MRPL4: variants seen among roughly 807,000 people sequenced by gnomAD.
MRPL4 encodes large ribosomal subunit protein uL4m.
In MRPL4, 34 loss-of-function variants were observed where a neutral mutation model predicts 34.1. The ratio of observed to expected loss-of-function variants is 1.00; its 90% CI spans 0.76 to 1.33. The LOEUF (loss-of-function observed/expected upper bound fraction) is 1.33, where lower values mean the gene tolerates loss of function less well. MRPL4 is among the 40% of genes most tolerant of loss of function. The pLI is 0.00. For missense variants in MRPL4, 402 were observed against 434.6 expected, an observed-to-expected ratio of 0.92 and a Z score of 0.67; for synonymous variants, 196 against 188.3, an observed-to-expected ratio of 1.04 and a Z score of -0.33.
rs1194499677 is a variant in MRPL4, at chr19:10,258,997, G to A, written c.739+312G>A. 19 of 1,409,116 alleles carry A rather than the reference G, an allele frequency of 1.3e-5. No individual in the cohort carries two copies. The Admixed American group carries it at 4.4e-4, about 33-fold the overall frequency. The allele number at this position is 1,409,116 out of a possible 1,614,324, so 87.3% of individuals were successfully genotyped here. A position where few individuals can be genotyped will look rare whatever the true frequency, so the allele number is the denominator to read the frequency against. ...CACCTGTAGTCCCAGCTACTCGGGG[G>A]CTGAGCCAGGCGGATAGCTTGAGCT... On this transcript the variant is annotated intron_variant, in intron 8 of 8. Transcript: ENST00000253099.
chr19:10,256,866 G>GGGGGGGGGGCC, intron 5 of MRPL4, 41 bp downstream of exon 5: 1 of 378,382 alleles, frequency 2.6e-6, no homozygotes, highest in Non-Finnish European at 5.0e-6. Context: ...GGGTGGGGGG[G>GGGGGGGGGGCC]CCAGGGAAGG....
At chr19:10,252,193 A>G (rs530941673), upstream of MRPL4, 150 of 1,498,512 alleles carry the variant, frequency 1.0e-4, no homozygotes, top group Middle Eastern at 1.4e-3. Context: ...GACGTCATCC[A>G]GCGGCGCCTC....
chr19:10,252,177 G>C, upstream of MRPL4: 8 of 1,463,346 alleles, frequency 5.5e-6, no homozygotes, highest in Non-Finnish European at 7.3e-6. Flanking sequence ...GCGGCGTCGC[G>C]TGCGTGACGT....
At position 10,252,409 on chromosome 19, in the gene MRPL4, C is replaced by T. The variant is rs2039800652; in HGVS notation, c.70C>T (p.Leu24=). ...RPTGSQGLSS[L]AEEAARATEN... The stretch of plus-strand genomic sequence containing the variant: ...CCAACCCTTGCAGGGCCTGAGTTCC[C>T]TGGCGGAAGAGGCAGCGCGTGCGAC... The change falls in exon 2 of 9, where the codon CTG becomes TTG. Residue 24 remains leucine (L), a synonymous_variant. Coordinates refer to ENST00000253099, the MANE Select transcript of MRPL4 (RefSeq NM_015956.3). The T allele has an allele frequency of 1.9e-6, 3 of 1,614,112 alleles. No homozygotes were observed. In the East Asian group the frequency reaches 6.7e-5, roughly 36 times the overall value.
chr19:10,252,896 CA>C, intron 3 of MRPL4, 195 bp downstream of exon 3: 1 of 816,748 alleles, frequency 1.2e-6, no homozygotes, highest in Non-Finnish European at 1.9e-6. Flanking sequence ...TGAGAGGTGA[CA>C]TCATCTAAGG....
At chr19:10,253,054 G>A (rs2039810847) in intron 3 of MRPL4, 2 of 246,968 alleles carry the variant, frequency 8.1e-6, no homozygotes, top group African/African-American at 4.5e-5. Flanking sequence ...AAGTTCTATA[G>A]AAATGTTGAT....
rs1366112043 is a variant in MRPL4, at chr19:10,258,272, C to A, written c.496C>A (p.Pro166Thr). 6.2e-7 allele frequency: 1 copy of A among 1,614,122 alleles called. No homozygotes were observed. The highest frequency in any genetic ancestry group is 1.1e-5 in the South Asian group (1 of 91,074). ...RGPTSYYYML[P>T]MKVRALGLKV... ...CCCCACAAGTTACTACTACATGCTG[C>A]CCATGAAGGTGCGGGCGCTGGGTCT... The change falls in exon 6 of 9, where the codon CCC (proline) becomes ACC (threonine). Residue 166 changes from proline (P) to threonine (T), a missense_variant. Pro to Thr is a conservative substitution (Grantham distance 38). Coordinates refer to ENST00000253099, the MANE Select transcript of MRPL4 (RefSeq NM_015956.3).
At chr19:10,256,000 A>T (rs1319171215) in intron 4 of MRPL4, among the ~76,000 whole-genome samples, 2 of 152,058 alleles carry the variant, frequency 1.3e-5, no homozygotes, top group African/African-American at 4.8e-5. Context: ...ACAAAAAATT[A>T]GCTGGGGCCA....
At chr19:10,257,958 A>G (rs961362177) in intron 5 of MRPL4, among the ~76,000 whole-genome samples, 2 of 151,900 alleles carry the variant, frequency 1.3e-5, no homozygotes, top group African/African-American at 4.8e-5. Flanking sequence ...GTGATCCTCC[A>G]TCCTCAGCCT....
intron 4 of MRPL4, 42 bp from the exon 5 acceptor site, chr19:10,256,666 C>T (rs1052670009): frequency 1.0e-5 from 16 of 1,571,788 alleles, no homozygotes; most frequent in Non-Finnish European, 1.4e-5. Context: ...CTCCCTGACA[C>T]CTGCCTCGTG....
chr19:10,259,000 G>A (rs2039880441), intron 8 of MRPL4: 1 of 1,408,630 alleles, frequency 7.1e-7, no homozygotes, highest in Middle Eastern at 2.6e-4. Flanking sequence ...CTCGGGGGCT[G>A]AGCCAGGCGG....
chr19:10,259,098 C>CAAAAAAA lies in MRPL4; in HGVS notation c.739+434_739+440dup, dbSNP rs35481360. ...TGGGGAGAGAGCTAGACTCTTGTCT[C>CAAAAAAA]AAAAAAAAAAAAAAAAAAAAAAAAA... On this transcript the variant is annotated intron_variant, in intron 8 of 8. Transcript: ENST00000253099. The CAAAAAAA allele has an allele frequency of 6.4e-3, 3,444 of 539,554 alleles. 116 individuals are homozygous for CAAAAAAA. Among genetic ancestry groups the CAAAAAAA allele is most frequent in the East Asian group, 9.0e-3 (46 of 5,126 alleles). The allele number at this position is 539,554 out of a possible 1,614,324, so 33.4% of individuals were successfully genotyped here.
chr19:10,259,124 AAG>A, intron 8 of MRPL4: 1 of 1,274,822 alleles, frequency 7.8e-7, no homozygotes, highest in Non-Finnish European at 9.9e-7. Flanking sequence ...AAAAAAAAAA[AAG>A]CTCCAAAGTC....
At chr19:10,256,543 G>A (rs1469955692) in intron 4 of MRPL4, among the ~76,000 whole-genome samples, 165 bp from the exon 5 acceptor site, 1 of 152,184 alleles carries the variant, frequency 6.6e-6, no homozygotes, top group Non-Finnish European at 1.5e-5. Context: ...GGCAGGAGCT[G>A]TGACTTCTTT....
intron 5 of MRPL4, among the ~76,000 whole-genome samples, chr19:10,257,477 C>T (rs2039862950): frequency 1.3e-5 from 2 of 152,082 alleles, no homozygotes; most frequent in Admixed American, 1.3e-4. Context: ...TCCCCCGGAG[C>T]TACCCTGATT....
At chr19:10,256,234 C>T (rs1391107785) in intron 4 of MRPL4, among the ~76,000 whole-genome samples, 3 of 151,908 alleles carry the variant, frequency 2.0e-5, no homozygotes, top group Non-Finnish European at 2.9e-5. Context: ...TGCAGTGAGC[C>T]GAGATCGCGC....
Position 10,258,615 on chromosome 19 carries a change from C to G in MRPL4, c.669C>G (p.His223Gln). Reference sequence around the variant, plus strand: ...TCCCTGGCCTCTCTTACAGAACACACGAGGAGATGCCACAGAGCATCGTGG... The same window carrying G: ...TCCCTGGCCTCTCTTACAGAACACAGGAGGAGATGCCACAGAGCATCGTGG... Reference protein sequence around the residue: ...GDSVLLVDLTHEEMPQSIVEA... With the variant: ...GDSVLLVDLTQEEMPQSIVEA... The change falls in exon 8 of 9, where the codon CAC (histidine) becomes CAG (glutamine). Residue 223 changes from histidine to glutamine, a missense_variant. Transcript: ENST00000253099. 1 of 1,614,174 alleles carries G rather than the reference C, an allele frequency of 6.2e-7. No individual in the cohort carries two copies. The highest frequency in any genetic ancestry group is 1.1e-5 in the South Asian group (1 of 91,090).
intron 5 of MRPL4, 56 bp from the exon 6 acceptor site, chr19:10,258,166 C>A: frequency 1.6e-6 from 2 of 1,280,274 alleles, no homozygotes; most frequent in Non-Finnish European, 2.3e-6. Context: ...CAGCAGATTG[C>A]TGACCTCCAG....
Position 10,252,303 on chromosome 19 carries a change from G to T in MRPL4, c.50G>T (p.Gly17Val). The change falls in exon 1 of 9, where the codon GGC becomes GTC. Residue 17 changes from glycine (G) to valine (V), a missense_variant. By Grantham distance (109) the Gly-to-Val change is moderately radical (BLOSUM62 -3). Coordinates refer to ENST00000253099, the MANE Select transcript of MRPL4 (RefSeq NM_015956.3). ...GCGCGGGCCTGGCTTCGGCCTACCGGCAGCCAGGTGAGGCCAGGGGCTGGA... is the reference window on the plus strand; with the variant it reads ...GCGCGGGCCTGGCTTCGGCCTACCGTCAGCCAGGTGAGGCCAGGGGCTGGA... Reference protein sequence around the residue: ...AGARAWLRPTGSQGLSSLAEE... With the variant: ...AGARAWLRPTVSQGLSSLAEE... 1.2e-6 allele frequency: 2 copies of T among 1,610,110 alleles called. No individual in the cohort carries two copies. Among genetic ancestry groups the T allele is most frequent in the African/African-American group, 2.7e-5 (2 of 74,766 alleles).
Sources: gnomAD v4.1 joint callset for allele counts (sites outside exome capture counted in the v4.1 genomes callset) on GRCh38, gnomAD v4.1.1 for gene constraint, MANE v1.5 for transcripts, NCBI Gene and HGNC (gene_info 2026-07-23, HGNC 2026-07-21) for gene names.